STUM: variants seen among roughly 807,000 people sequenced by gnomAD.
The protein encoded by STUM is stum, mechanosensory transduction mediator homolog.
Under a neutral mutation model 15.3 loss-of-function variants are expected in STUM, and 8 were observed. That is an observed-to-expected ratio of 0.52 (90% CI 0.31 to 0.94). The LOEUF is 0.94. STUM is among the 40% of genes least tolerant of loss of function. STUM has a pLI of 0.05. For missense variants in STUM, 142 were observed against 204.9 expected, an observed-to-expected ratio of 0.69 and a Z score of 1.87; for synonymous variants, 78 against 88.7, an observed-to-expected ratio of 0.88 and a Z score of 0.68.
intron 1 of STUM, among the ~76,000 whole-genome samples, chr1:226,551,766 C>T (rs1358051258): frequency 6.6e-6 from 1 of 152,186 alleles, no homozygotes; most frequent in African/African-American, 2.4e-5. Context: ...TTGAGGCCAA[C>T]TTTGTCTGAA....
intron 1 of STUM, among the ~76,000 whole-genome samples, chr1:226,572,866 T>C (rs1162061110): frequency 6.6e-6 from 1 of 152,086 alleles, no homozygotes; most frequent in Non-Finnish European, 1.5e-5. Flanking sequence ...GAACACACAG[T>C]CCAAGCCTCT....
At chr1:226,575,817 C>A (rs973816974) in intron 1 of STUM, among the ~76,000 whole-genome samples, 1 of 152,222 alleles carries the variant, frequency 6.6e-6, no homozygotes, top group African/African-American at 2.4e-5. Context: ...AGATAGTCAG[C>A]CTTTCACATC....
intron 2 of STUM, among the ~76,000 whole-genome samples, chr1:226,599,556 T>G (rs1668234069): frequency 6.6e-6 from 1 of 152,256 alleles, no homozygotes; most frequent in Non-Finnish European, 1.5e-5. Flanking sequence ...TTTTCAGTTG[T>G]AACAGTACAC....
In STUM at chr1:226,603,034, G is replaced by A. The variant is rs1465996516; in HGVS notation, c.*994G>A. ...AACATGTGACTAGTCCCATTAACTG[G>A]GAGCTATACAAACTGTAAATAGCCT... On this transcript the variant is annotated 3_prime_UTR_variant, in exon 4 of 4. Transcript: ENST00000366788. 6.6e-6 allele frequency: 1 copy of A among 152,180 alleles called. No individual in the cohort carries two copies. The highest frequency in any genetic ancestry group is 1.9e-4 in the East Asian group (1 of 5,204). The allele number at this position is 152,180 out of a possible 1,614,324, so 9.4% of individuals were successfully genotyped here.
At position 226,595,080 on chromosome 1, in the gene STUM, C is replaced by T. The variant is rs994266436; in HGVS notation, c.203-1722C>T. On this transcript the variant is annotated intron_variant, in intron 1 of 3. Coordinates refer to ENST00000366788, the MANE Select transcript of STUM (RefSeq NM_001003665.4). The stretch of plus-strand genomic sequence containing the variant: ...TAGCTGGCTCGAGCAGGCAGCATGG[C>T]ACAGTCCAAGTCTGAAATCTCAGAA... Among the ~76,000 whole-genome samples, 8 of 152,350 alleles carry T rather than the reference C, an allele frequency of 5.3e-5. No homozygotes were observed. The East Asian group carries it at 1.5e-3, about 29-fold the overall frequency.
chr1:226,570,900 A>G (rs539104435), intron 1 of STUM, among the ~76,000 whole-genome samples: 1 of 152,172 alleles, frequency 6.6e-6, no homozygotes, highest in Admixed American at 6.6e-5. Context: ...TAAAAGCCCC[A>G]ATGATATTGA....
intron 1 of STUM, among the ~76,000 whole-genome samples, chr1:226,584,203 C>T (rs1357014749): frequency 6.6e-6 from 1 of 152,102 alleles, no homozygotes; most frequent in Non-Finnish European, 1.5e-5. Flanking sequence ...TGAAACTGGC[C>T]CTCAGCTGGA....
At chr1:226,589,734 G>A (rs60706522) in intron 1 of STUM, among the ~76,000 whole-genome samples, 5,176 of 152,212 alleles carry the variant, frequency 0.034, 93 homozygotes, top group South Asian at 0.052. Context: ...AACAGCATGC[G>A]CAGGGCCAGC....
chr1:226,571,628 CCTTCTT>C (rs1224269905), intron 1 of STUM, among the ~76,000 whole-genome samples: 1 of 151,722 alleles, frequency 6.6e-6, no homozygotes, highest in African/African-American at 2.4e-5. Flanking sequence ...GAACCTTCTC[CCTTCTT>C]CTTCTTCTTC....
chr1:226,570,697 A>G (rs1162264648), intron 1 of STUM, among the ~76,000 whole-genome samples: 2 of 152,180 alleles, frequency 1.3e-5, no homozygotes, highest in East Asian at 3.8e-4. Flanking sequence ...ATCCAAACAA[A>G]TGATCATTTA....
At chr1:226,550,210 C>A (rs528754471) in intron 1 of STUM, among the ~76,000 whole-genome samples, 1 of 152,302 alleles carries the variant, frequency 6.6e-6, no homozygotes, top group East Asian at 1.9e-4. Flanking sequence ...CTCACGGTCT[C>A]CTCGCTCTTC....
At chr1:226,594,380 C>T (rs1668138100) in intron 1 of STUM, among the ~76,000 whole-genome samples, 1 of 152,180 alleles carries the variant, frequency 6.6e-6, no homozygotes, top group Non-Finnish European at 1.5e-5. Context: ...AAGGCAGCCT[C>T]AAAGAGCAGG....
chr1:226,573,838 CT>C (rs148074401), intron 1 of STUM, among the ~76,000 whole-genome samples: 17,132 of 142,918 alleles, frequency 0.12, 972 homozygotes, highest in South Asian at 0.26. Flanking sequence ...GTACAATATA[CT>C]TTTTTTTTTT....
rs1335307456 is a variant in STUM at position 226,567,866 on chromosome 1, A to G, written c.202+18760A>G. On this transcript the variant is annotated intron_variant, in intron 1 of 3. Transcript: ENST00000366788. This position sits in a 1 kb window ranked among gnomAD's most constrained non-coding sequence, Gnocchi z 4.5. ...GAATCATAAAGAATTATGAATTACT[A>G]GAAAGCTATTGTGTTGACATTATTA... 6.6e-6 allele frequency among the ~76,000 whole-genome samples: 1 copy of G among 152,214 alleles called. No individual in the cohort carries two copies. The highest frequency in any genetic ancestry group is 2.4e-5 in the African/African-American group (1 of 41,456).
intron 1 of STUM, among the ~76,000 whole-genome samples, chr1:226,556,653 A>G (rs1425745290): frequency 6.6e-6 from 1 of 152,192 alleles, no homozygotes; most frequent in Non-Finnish European, 1.5e-5. Flanking sequence ...CTGGCTCCTC[A>G]GTAGCATGGA....
Position 226,549,170 on chromosome 1 carries a change from G to C in STUM, c.202+64G>C. On this transcript the variant is annotated intron_variant, in intron 1 of 3. Coordinates refer to ENST00000366788, the MANE Select transcript of STUM (RefSeq NM_001003665.4). The surrounding 1 kb of genome is among the most constrained non-coding windows in gnomAD (Gnocchi z 6.8). The stretch of plus-strand genomic sequence containing the variant: ...CGCCGCGGGAGGGCGTGGGGGGAGA[G>C]AAGGGCGCGGCCGGAGACCTCCTGG... 61 of 1,424,264 alleles carry C rather than the reference G, an allele frequency of 4.3e-5. No homozygotes were observed. Among genetic ancestry groups the C allele is most frequent in the Non-Finnish European group, 5.6e-5 (59 of 1,051,526 alleles). 88.2% of individuals were successfully genotyped at this position (1,424,264 alleles called of 1,614,324 possible). A position where few individuals can be genotyped will look rare whatever the true frequency, so the allele number is the denominator to read the frequency against.
In STUM at chr1:226,600,525, C is replaced by T. The variant is rs1668247291; in HGVS notation, c.383-141C>T. On this transcript the variant is annotated intron_variant, in intron 2 of 3. Coordinates refer to ENST00000366788, the MANE Select transcript of STUM (RefSeq NM_001003665.4). This position sits in a 1 kb window ranked among gnomAD's most constrained non-coding sequence, Gnocchi z 5.2. ...GTCTGAGAAGCCACTGGCATGGCCC[C>T]TGTCCCATCTCCCAGGCCTCACCAT... The T allele has an allele frequency of 8.0e-6, 8 of 999,174 alleles. No individual in the cohort carries two copies. Among genetic ancestry groups the T allele is most frequent in the Non-Finnish European group, 1.2e-5 (8 of 648,914 alleles). The allele number at this position is 999,174 out of a possible 1,614,324, so 61.9% of individuals were successfully genotyped here.
In STUM at chr1:226,607,757, C is replaced by G. The variant is rs1668385231; in HGVS notation, c.*5717C>G. On this transcript the variant is annotated 3_prime_UTR_variant, in exon 4 of 4. Transcript: ENST00000366788. ...GCTAGGGAAACTCGGCCCTCAAACC[C>G]TCTCCCTCTCTGCCTGAATTTGCCA... 1 of 152,270 alleles carries G rather than the reference C, an allele frequency of 6.6e-6. No individual in the cohort carries two copies. Among genetic ancestry groups the G allele is most frequent in the African/African-American group, 2.4e-5 (1 of 41,448 alleles). 9.4% of individuals were successfully genotyped at this position (152,270 alleles called of 1,614,324 possible).
At chr1:226,573,239 G>A (rs1461862165) in intron 1 of STUM, among the ~76,000 whole-genome samples, 1 of 152,140 alleles carries the variant, frequency 6.6e-6, no homozygotes, top group Admixed American at 6.5e-5. Context: ...AGCATTTTTT[G>A]CTTCAGGTTT....
Sources: gnomAD v4.1 joint callset for allele counts (sites outside exome capture counted in the v4.1 genomes callset) on GRCh38, gnomAD v4.1.1 for gene constraint, Gnocchi (gnomAD v3.1) non-coding constraint, MANE v1.5 for transcripts, NCBI Gene and HGNC (gene_info 2026-07-23, HGNC 2026-07-21) for gene names.